KCNQ3: variants seen among roughly 807,000 people sequenced by gnomAD.
The protein encoded by KCNQ3 is potassium voltage-gated channel subfamily Q member 3.
Under a neutral mutation model 92.5 loss-of-function variants are expected in KCNQ3, and 30 were observed. That is an observed-to-expected ratio of 0.32 (90% confidence interval 0.24 to 0.44). The LOEUF (loss-of-function observed/expected upper bound fraction) is 0.44, where lower values mean the gene tolerates loss of function less well. Among genes scored for constraint, KCNQ3 ranks in the 20% least tolerant of loss-of-function variants. KCNQ3 has a pLI of 1.00. For missense variants in KCNQ3, 913 were observed against 1,140.3 expected (o/e 0.80, Z 2.87); for synonymous variants, 450 against 468.8 (o/e 0.96, Z 0.52).
chr8:132,223,166 G>GGGAAGAAAGGAT (rs201405532), intron 1 of KCNQ3, among the ~76,000 whole-genome samples: 1,787 of 152,124 alleles, frequency 0.012, 19 homozygotes, highest in South Asian at 0.048. Flanking sequence ...GAAGGAAGGA[G>GGGAAGAAAGGAT]GGAAGAAAGG....
At chr8:132,141,761 G>GA (rs1273403902) in intron 9 of KCNQ3, among the ~76,000 whole-genome samples, 1 of 152,140 alleles carries the variant, frequency 6.6e-6, no homozygotes, top group Admixed American at 6.5e-5. Flanking sequence ...TCCTTGAAAA[G>GA]AAACTGACAA....
chr8:132,284,481 T>C (rs1196666125), intron 1 of KCNQ3, among the ~76,000 whole-genome samples: 1 of 110,562 alleles, frequency 9.0e-6, no homozygotes, highest in East Asian at 4.0e-4. Context: ...TTTGTGAAAC[T>C]CTATAGATTT....
intron 1 of KCNQ3, among the ~76,000 whole-genome samples, chr8:132,238,654 CCTT>C (rs1487029841): frequency 3.9e-5 from 6 of 152,198 alleles, no homozygotes; most frequent in Non-Finnish European, 8.8e-5. Context: ...CTACTTCTCT[CCTT>C]CTTGTCGCCT....
chr8:132,169,736 G>C (rs1201805288), intron 8 of KCNQ3, among the ~76,000 whole-genome samples: 1 of 152,228 alleles, frequency 6.6e-6, no homozygotes, highest in Non-Finnish European at 1.5e-5. Flanking sequence ...TAACTGGGAA[G>C]CCCTGGCTGC....
chr8:132,348,789 A>T (rs1198087374), intron 1 of KCNQ3, among the ~76,000 whole-genome samples: 3 of 152,214 alleles, frequency 2.0e-5, no homozygotes, highest in Non-Finnish European at 4.4e-5. Context: ...AATCGTTTGC[A>T]ATACTGTTCA....
intron 1 of KCNQ3, among the ~76,000 whole-genome samples, chr8:132,394,934 G>A (rs1563893409): frequency 2.0e-5 from 3 of 152,116 alleles, no homozygotes; most frequent in Admixed American, 6.6e-5. Context: ...CAGCTGCGTC[G>A]GATGTGGAAA....
At chr8:132,154,655 C>T (rs539646916) in intron 9 of KCNQ3, among the ~76,000 whole-genome samples, 21 of 152,272 alleles carry the variant, frequency 1.4e-4, no homozygotes, top group African/African-American at 4.3e-4. Flanking sequence ...AAGTTTGTGC[C>T]GCTTGCAGGG....
intron 1 of KCNQ3, among the ~76,000 whole-genome samples, chr8:132,236,280 C>T (rs1368844131): frequency 2.6e-5 from 4 of 152,284 alleles, no homozygotes; most frequent in East Asian, 3.9e-4. Context: ...ATTTTAAAAA[C>T]GCTTTCCTAG....
chr8:132,302,989 T>C (rs917007223), intron 1 of KCNQ3, among the ~76,000 whole-genome samples: 1 of 152,174 alleles, frequency 6.6e-6, no homozygotes, highest in African/African-American at 2.4e-5. Context: ...GGGAAATGCA[T>C]GACTGCTGAG....
At chr8:132,423,440 C>T (rs1229367224) in intron 1 of KCNQ3, among the ~76,000 whole-genome samples, 2 of 152,146 alleles carry the variant, frequency 1.3e-5, no homozygotes, top group African/African-American at 4.8e-5. Flanking sequence ...TCTGAAAAGG[C>T]AGGAAGGGGC....
At chr8:132,384,832 C>T (rs1391040778) in intron 1 of KCNQ3, among the ~76,000 whole-genome samples, 2 of 152,172 alleles carry the variant, frequency 1.3e-5, no homozygotes, top group Non-Finnish European at 2.9e-5. Flanking sequence ...CCCCACTTTC[C>T]CATCTGTAAA....
chr8:132,283,094 T>C (rs1039247645), intron 1 of KCNQ3, among the ~76,000 whole-genome samples: 51 of 128,776 alleles, frequency 4.0e-4, no homozygotes, highest in African/African-American at 1.9e-3. Context: ...CTCTCTCTCG[T>C]GTGTGTGTGT....
chr8:132,130,172 T>C (rs550747697), intron 14 of KCNQ3, among the ~76,000 whole-genome samples, 176 bp from the exon 15 acceptor site: 1 of 142,658 alleles, frequency 7.0e-6, no homozygotes, highest in East Asian at 2.1e-4. Flanking sequence ...AACTTCCGCC[T>C]CCCGGGTTCA....
intron 1 of KCNQ3, among the ~76,000 whole-genome samples, chr8:132,266,946 A>G (rs1816000588): frequency 6.6e-6 from 1 of 152,176 alleles, no homozygotes; most frequent in Non-Finnish European, 1.5e-5. Context: ...ACATATCAGA[A>G]ATTTCAAGAT....
chr8:132,478,642 AC>A (rs2130872979), intron 1 of KCNQ3, among the ~76,000 whole-genome samples: 2 of 152,102 alleles, frequency 1.3e-5, no homozygotes, highest in South Asian at 4.2e-4. Flanking sequence ...ACACACACAC[AC>A]ACATACACAC....
intron 1 of KCNQ3, among the ~76,000 whole-genome samples, chr8:132,331,865 C>T (rs1012455766): frequency 2.0e-5 from 3 of 152,142 alleles, no homozygotes; most frequent in African/African-American, 4.8e-5. Flanking sequence ...TGGAGAACTC[C>T]GAAGCAGTCC....
chr8:132,253,675 T>C (rs1410193081), intron 1 of KCNQ3, among the ~76,000 whole-genome samples: 1 of 152,212 alleles, frequency 6.6e-6, no homozygotes, highest in Non-Finnish European at 1.5e-5. Flanking sequence ...CTCCTCAGTG[T>C]GCTTAGAGAA....
chr8:132,402,472 T>C (rs557941162), intron 1 of KCNQ3, among the ~76,000 whole-genome samples: 141 of 152,336 alleles, frequency 9.3e-4, no homozygotes, highest in African/African-American at 2.0e-3. Context: ...GTAAGGTCTT[T>C]CGTGTATCTC....
At chr8:132,461,431 G>T (rs926013358) in intron 1 of KCNQ3, among the ~76,000 whole-genome samples, 2 of 152,154 alleles carry the variant, frequency 1.3e-5, no homozygotes, top group African/African-American at 4.8e-5. Flanking sequence ...CGGGCGTGGT[G>T]GTGGGCACCT....
Sources: allele counts gnomAD v4.1 joint callset (sites outside exome capture counted in the v4.1 genomes callset), GRCh38; gene constraint gnomAD v4.1.1; transcripts MANE v1.5; gene names NCBI Gene and HGNC (gene_info 2026-07-23, HGNC 2026-07-21).